FAM8A1: variants seen among roughly 807,000 people sequenced by gnomAD.
FAM8A1 encodes the protein protein FAM8A1.
FAM8A1 carries 18 observed loss-of-function variants against 38.3 expected under a neutral mutation model. That is an observed-to-expected ratio of 0.47 (90% CI 0.33 to 0.70). The LOEUF (loss-of-function observed/expected upper bound fraction) is 0.70, where lower values mean the gene tolerates loss of function less well. Ranked by LOEUF, FAM8A1 falls within the 30% of genes least tolerant of loss-of-function variation. The pLI is 0.03. For missense variants in FAM8A1, 559 were observed against 559.6 expected (o/e 1.00, Z 0.01); for synonymous variants, 246 against 234.4 (o/e 1.05, Z -0.45).
intron 3 of FAM8A1, 22 bp downstream of exon 3, chr6:17,605,051 GAATT>G (rs1242546494): frequency 6.3e-7 from 1 of 1,585,662 alleles, no homozygotes; most frequent in African/African-American, 1.4e-5. Context: ...ACTTCAGCAA[GAATT>G]AATATTTAAC....
Position 17,600,830 on chromosome 6 carries a change from T to A in FAM8A1, c.421T>A (p.Tyr141Asn). The change falls in exon 1 of 5, where the codon TAC becomes AAC. Residue 141 changes from tyrosine to asparagine, a missense_variant. Transcript: ENST00000259963. ...CAGCGGCCTGGCCGCCTTCCCAGCC[T>A]ACTGCAGCCCCCAGCCCTCCCCGCA... ...WHSGLAAFPAYCSPQPSPQSF... is the reference protein window; with the variant it reads ...WHSGLAAFPANCSPQPSPQSF... The A allele has an allele frequency of 6.2e-7, 1 of 1,610,540 alleles. No homozygotes were observed.
intron 4 of FAM8A1, among the ~76,000 whole-genome samples, chr6:17,607,373 T>TA (rs1465719606): frequency 6.6e-6 from 1 of 151,276 alleles, no homozygotes; most frequent in Non-Finnish European, 1.5e-5. Context: ...GCACTGTTAA[T>TA]AACACTGCAT....
In FAM8A1 at chr6:17,600,644, G is replaced by C. The variant is rs1238017668; in HGVS notation, c.235G>C (p.Ala79Pro). ...GCGCGAGCTCAGGAAGCGCGGGGAG[G>C]CGGCCTCCGGCTCCGGTGCAGAGCT... ...PPRELRKRGE[A>P]ASGSGAELQE... Residue 79 changes from alanine (A) to proline (P), a missense_variant, in exon 1 of 5, where the codon GCG becomes CCG. This residue lies in a region of FAM8A1 where 393 missense variants were observed against 338.9 expected (regional missense o/e 1.16). Transcript: ENST00000259963. 6.5e-7 allele frequency: 1 copy of C among 1,545,614 alleles called. No individual in the cohort carries two copies. The highest frequency in any genetic ancestry group is 2.6e-5 in the East Asian group (1 of 38,250).
At position 17,600,743 on chromosome 6, in the gene FAM8A1, G is replaced by C. The variant is rs977604340; in HGVS notation, c.334G>C (p.Glu112Gln). The C allele has an allele frequency of 1.3e-6, 2 of 1,561,602 alleles. No individual in the cohort carries two copies. The highest frequency in any genetic ancestry group is 1.7e-6 in the Non-Finnish European group (2 of 1,154,616). Residue 112 changes from glutamate (E) to glutamine (Q), a missense_variant, in exon 1 of 5, where the codon GAG becomes CAG. This residue lies in a region of FAM8A1 where 393 missense variants were observed against 338.9 expected (regional missense o/e 1.16). Transcript: ENST00000259963. ...GAGACCAGCTCGGCTGAGCGCCCGC[G>C]AGTACTCCCGGCAAGTGCACGAGTG... ...RERPARLSAR[E>Q]YSRQVHEWLW...
At chr6:17,602,563 T>C in intron 1 of FAM8A1, 27 bp from the exon 2 acceptor site, 2 of 1,444,400 alleles carry the variant, frequency 1.4e-6, no homozygotes, top group Non-Finnish European at 1.8e-6. Flanking sequence ...TCGTTTTTCC[T>C]AACTTTTTTT....
At chr6:17,607,277 A>C (rs1034418946) in intron 4 of FAM8A1, among the ~76,000 whole-genome samples, 3 of 151,176 alleles carry the variant, frequency 2.0e-5, no homozygotes, top group East Asian at 1.9e-4. Flanking sequence ...AAAAAAACAA[A>C]ACAAAACTGG....
At position 17,608,568 on chromosome 6, in the gene FAM8A1, T is replaced by C. The variant is rs184828629; in HGVS notation, c.*229T>C. On this transcript the variant is annotated 3_prime_UTR_variant, in exon 5 of 5. Coordinates refer to ENST00000259963, the MANE Select transcript of FAM8A1 (RefSeq NM_016255.3). ...ATTTTTAGATCAAAAAGGCAAATGA[T>C]TTTATAAACAATGGACAATATATAC... The C allele has an allele frequency of 1.7e-3, 645 of 383,704 alleles. 2 individuals carry two copies. The highest frequency in any genetic ancestry group is 0.013 in the African/African-American group (609 of 48,446). 23.8% of individuals were successfully genotyped at this position (383,704 alleles called of 1,614,324 possible). A position where few individuals can be genotyped will look rare whatever the true frequency, so the allele number is the denominator to read the frequency against.
Position 17,601,028 on chromosome 6 carries a change from C to A in FAM8A1, c.619C>A (p.Pro207Thr), listed in dbSNP as rs373031373. The A allele has an allele frequency of 7.9e-5, 126 of 1,590,214 alleles. 2 individuals are homozygous for A. The highest frequency in any genetic ancestry group is 4.0e-4 in the South Asian group (35 of 88,102). ...AGTCGCGGGCCTGGGACCCCGGGCTCCTCACGTGCAGGCGTCGGTCCGGGC... is the reference window on the plus strand; with the variant it reads ...AGTCGCGGGCCTGGGACCCCGGGCTACTCACGTGCAGGCGTCGGTCCGGGC... ...APVAGLGPRA[P>T]HVQASVRATP... is the part of the protein sequence containing the mutation. The change falls in exon 1 of 5, where the codon CCT becomes ACT. Residue 207 changes from proline (P) to threonine (T), a missense_variant. Physicochemically the swap from Pro to Thr is conservative, Grantham distance 38. This residue lies in a region of FAM8A1 where 393 missense variants were observed against 338.9 expected (regional missense o/e 1.16). Transcript: ENST00000259963.
intron 2 of FAM8A1, among the ~76,000 whole-genome samples, chr6:17,603,600 C>CA (rs927850649): frequency 6.6e-6 from 1 of 152,058 alleles, no homozygotes; most frequent in Non-Finnish European, 1.5e-5. Flanking sequence ...TTTTTTGAGA[C>CA]AGAGTCTTGC....
At position 17,600,568 on chromosome 6, in the gene FAM8A1, C is replaced by G; in HGVS notation, c.159C>G (p.Pro53=). The G allele has an allele frequency of 6.7e-7, 1 of 1,499,708 alleles. No individual in the cohort carries two copies. Among genetic ancestry groups the G allele is most frequent in the Non-Finnish European group, 8.9e-7 (1 of 1,128,676 alleles). The allele number at this position is 1,499,708 out of a possible 1,614,324, so 92.9% of individuals were successfully genotyped here. ...PQAEPQAPGR[P]TAPGLAAAAA... is the part of the protein sequence containing the mutation. ...CCGAACCCCAGGCCCCGGGCCGGCC[C>G]ACAGCCCCGGGCCTCGCGGCTGCCG... The change falls in exon 1 of 5, where the codon CCC becomes CCG. Residue 53 remains proline (P), a synonymous_variant. Coordinates refer to ENST00000259963, the MANE Select transcript of FAM8A1 (RefSeq NM_016255.3).
In FAM8A1 at chr6:17,611,014, G is replaced by A. The variant is rs1764134925; in HGVS notation, c.*2675G>A. The A allele has an allele frequency of 1.3e-5, 2 of 152,120 alleles. No individual in the cohort carries two copies. The highest frequency in any genetic ancestry group is 4.8e-5 in the African/African-American group (2 of 41,426). 9.4% of individuals were successfully genotyped at this position (152,120 alleles called of 1,614,324 possible). On this transcript the variant is annotated 3_prime_UTR_variant, in exon 5 of 5. Coordinates refer to ENST00000259963, the MANE Select transcript of FAM8A1 (RefSeq NM_016255.3). ...CTCTGTGACTACAGAAATAAAGCCA[G>A]CACTTTTGGAACTAATAAGCCTTCA... is the stretch of plus-strand genomic sequence containing the variant.
In FAM8A1 at chr6:17,609,717, T is replaced by A. The variant is rs994281027; in HGVS notation, c.*1378T>A. 1.3e-5 allele frequency: 2 copies of A among 152,208 alleles called. No homozygotes were observed. The highest frequency in any genetic ancestry group is 3.8e-4 in the East Asian group (2 of 5,204). 9.4% of individuals were successfully genotyped at this position (152,208 alleles called of 1,614,324 possible). ...ATTTTCTCCAGCTCTGACATTGTTT[T>A]CCAAAGACACACTAAACTGCATTGC... is the stretch of plus-strand genomic sequence containing the variant. On this transcript the variant is annotated 3_prime_UTR_variant, in exon 5 of 5. Coordinates refer to ENST00000259963, the MANE Select transcript of FAM8A1 (RefSeq NM_016255.3).
chr6:17,600,943 G>A lies in FAM8A1; in HGVS notation c.534G>A (p.Leu178=), dbSNP rs758756023. 3.8e-6 allele frequency: 6 copies of A among 1,592,388 alleles called. No individual in the cohort carries two copies. The highest frequency in any genetic ancestry group is 4.3e-6 in the Non-Finnish European group (5 of 1,171,896). ...QLGYYNPFYF[L]SPGAAGPDPR... ...GCTATTACAACCCCTTCTACTTCCT[G>A]AGCCCCGGGGCCGCGGGGCCTGACC... Residue 178 remains leucine (L), a synonymous_variant, in exon 1 of 5, where the codon CTG becomes CTA. Transcript: ENST00000259963.
In FAM8A1 at chr6:17,605,883, A is replaced by G. The variant is rs1343835969; in HGVS notation, c.967A>G (p.Ile323Val). ...ATCCTTCTTTCCTTAGATAATTTGC[A>G]TTTGGGGAGCAGGTGGAGCTACCCC... ...LLVCFYEIIC[I>V]WGAGGATPGK... The change falls in exon 4 of 5, where the codon ATT becomes GTT. Residue 323 changes from isoleucine to valine, a missense_variant. Coordinates refer to ENST00000259963, the MANE Select transcript of FAM8A1 (RefSeq NM_016255.3). The G allele has an allele frequency of 3.9e-6, 6 of 1,522,232 alleles. No individual in the cohort carries two copies. The highest frequency in any genetic ancestry group is 4.7e-5 in the East Asian group (2 of 42,134). 94.3% of individuals were successfully genotyped at this position (1,522,232 alleles called of 1,614,324 possible).
At position 17,611,047 on chromosome 6, in the gene FAM8A1, G is replaced by A. The variant is rs1010930931; in HGVS notation, c.*2708G>A. 3 of 152,152 alleles carry A rather than the reference G, an allele frequency of 2.0e-5. No homozygotes were observed. The highest frequency in any genetic ancestry group is 4.4e-5 in the Non-Finnish European group (3 of 68,016). The allele number at this position is 152,152 out of a possible 1,614,324, so 9.4% of individuals were successfully genotyped here. On this transcript the variant is annotated 3_prime_UTR_variant, in exon 5 of 5. Coordinates refer to ENST00000259963, the MANE Select transcript of FAM8A1 (RefSeq NM_016255.3). ...GGAACTAATAAGCCTTCACTTGTCA[G>A]TATCATAAAGAGTATTGCCCAACTG...
chr6:17,606,289 C>T (rs1242388359), intron 4 of FAM8A1, among the ~76,000 whole-genome samples: 1 of 151,594 alleles, frequency 6.6e-6, no homozygotes. Context: ...CAGGCTCCGC[C>T]TCCCAGGTTC....
At chr6:17,601,417 TCACGCTCTG>T (rs1203693478) in intron 1 of FAM8A1, among the ~76,000 whole-genome samples, 2 of 152,218 alleles carry the variant, frequency 1.3e-5, no homozygotes, top group Admixed American at 6.5e-5. Flanking sequence ...CCTTTGGTTT[TCACGCTCTG>T]CAGTGAGGGC....
chr6:17,605,990 T>A lies in FAM8A1; in HGVS notation c.1074T>A (p.Pro358=), dbSNP rs769724371. 4.5e-6 allele frequency: 7 copies of A among 1,569,002 alleles called. No homozygotes were observed. The highest frequency in any genetic ancestry group is 6.1e-6 in the Non-Finnish European group (7 of 1,150,158). ...CACCAAGTCGGGTTTTAGTGATTCCTTCCTCAAATGTTAGCATTACAACGT... is the reference window on the plus strand; with the variant it reads ...CACCAAGTCGGGTTTTAGTGATTCCATCCTCAAATGTTAGCATTACAACGT... ...LIAPSRVLVI[P]SSNVSITTST... Residue 358 remains proline (P), a synonymous_variant, in exon 4 of 5, where the codon CCT becomes CCA. Transcript: ENST00000259963.
Position 17,600,722 on chromosome 6 carries a change from C to T in FAM8A1, c.313C>T (p.Pro105Ser), listed in dbSNP as rs756506489. 8 of 1,577,434 alleles carry T rather than the reference C, an allele frequency of 5.1e-6. No homozygotes were observed. The African/African-American group carries it at 1.1e-4, about 22-fold the overall frequency. The change falls in exon 1 of 5, where the codon CCA becomes TCA. Residue 105 changes from proline to serine, a missense_variant. By Grantham distance (74) the Pro-to-Ser change is moderately conservative. Around this residue, in one of 2 missense-constraint regions of FAM8A1, gnomAD observed 393 missense variants for 338.9 expected, o/e 1.16. Coordinates refer to ENST00000259963, the MANE Select transcript of FAM8A1 (RefSeq NM_016255.3). ...CGAAGCCGCGGCGCCACGAGAGAGA[C>T]CAGCTCGGCTGAGCGCCCGCGAGTA... ...APEAAAPRER[P>S]ARLSAREYSR...
Sources: allele counts gnomAD v4.1 joint callset (sites outside exome capture counted in the v4.1 genomes callset), GRCh38; gene constraint gnomAD v4.1.1; regional missense constraint gnomAD v4.1.1; transcripts MANE v1.5; gene names NCBI Gene and HGNC (gene_info 2026-07-23, HGNC 2026-07-21).